Variants in RNF19A observed in about 807,000 individuals in gnomAD.
The protein encoded by RNF19A is E3 ubiquitin-protein ligase RNF19A.
In RNF19A, 32 loss-of-function variants were observed where a neutral mutation model predicts 75.7. The observed-to-expected ratio is 0.42, with a 90% CI of 0.32 to 0.57. The LOEUF (loss-of-function observed/expected upper bound fraction) is 0.57, where lower values mean the gene tolerates loss of function less well. Ranked by LOEUF, RNF19A falls within the 20% of genes least tolerant of loss-of-function variation. The pLI is 0.10. For missense variants in RNF19A, 782 were observed against 1,036.3 expected (o/e 0.75, Z 3.37); for synonymous variants, 335 against 345.2 (o/e 0.97, Z 0.33).
chr8:100,260,787 T>C lies in RNF19A; in HGVS notation c.1682+755A>G, dbSNP rs1227671442. Among the ~76,000 whole-genome samples, 1 of 152,178 alleles carries C rather than the reference T, an allele frequency of 6.6e-6. No individual in the cohort carries two copies. The highest frequency in any genetic ancestry group is 2.4e-5 in the African/African-American group (1 of 41,442). The stretch of plus-strand genomic sequence containing the variant: ...TTTTTCCTACTTATCTATATGGCTA[T>C]TGATAAAAGACTTGGTGAGAACAAA... On this transcript the variant is annotated intron_variant, in intron 8 of 9. Transcript: ENST00000341084. This position sits in a 1 kb window ranked among gnomAD's most constrained non-coding sequence, Gnocchi z 4.1.
In RNF19A at chr8:100,261,335, C is replaced by A. The variant is rs1819704183; in HGVS notation, c.1682+207G>T. On this transcript the variant is annotated intron_variant, in intron 8 of 9. Transcript: ENST00000341084. This position sits in a 1 kb window ranked among gnomAD's most constrained non-coding sequence, Gnocchi z 4.4. ...CTGGTCTCGAACTCCTGAGCTCAGG[C>A]AATCCACCTGCTTTGGCTTCCCAAC... Among the ~76,000 whole-genome samples, 2 of 152,082 alleles carry A rather than the reference C, an allele frequency of 1.3e-5. No individual in the cohort carries two copies. Among genetic ancestry groups the A allele is most frequent in the Non-Finnish European group, 2.9e-5 (2 of 68,006 alleles).
At chr8:100,283,705 G>A (rs1269712501) in intron 2 of RNF19A, among the ~76,000 whole-genome samples, 1 of 152,186 alleles carries the variant, frequency 6.6e-6, no homozygotes, top group Non-Finnish European at 1.5e-5. Context: ...TAAAATTAAT[G>A]TCAGATACAG....
intron 1 of RNF19A, among the ~76,000 whole-genome samples, chr8:100,293,524 A>G (rs1289681897): frequency 6.6e-6 from 1 of 152,064 alleles, no homozygotes; most frequent in Non-Finnish European, 1.5e-5. Flanking sequence ...GCTTGCATTC[A>G]ACATTGTTTT....
At chr8:100,273,618 G>A (rs1820361963) in intron 3 of RNF19A, among the ~76,000 whole-genome samples, 1 of 152,066 alleles carries the variant, frequency 6.6e-6, no homozygotes. Flanking sequence ...AGCCATTTCT[G>A]TCGTTTTTTA....
intron 1 of RNF19A, among the ~76,000 whole-genome samples, chr8:100,305,409 CAT>C (rs1822025100): frequency 6.6e-6 from 1 of 152,140 alleles, no homozygotes; most frequent in Non-Finnish European, 1.5e-5. Context: ...CAGAAAGAAA[CAT>C]GTCATACAAA....
chr8:100,295,590 G>C (rs1287216052), intron 1 of RNF19A, among the ~76,000 whole-genome samples: 3 of 152,136 alleles, frequency 2.0e-5, no homozygotes, highest in African/African-American at 7.2e-5. Context: ...ATCTGTCTTT[G>C]TGCAGCATTT....
intron 2 of RNF19A, among the ~76,000 whole-genome samples, chr8:100,279,264 T>C (rs898924639): frequency 1.3e-5 from 2 of 152,224 alleles, no homozygotes; most frequent in African/African-American, 4.8e-5. Context: ...TATACATATA[T>C]ACACACGGTA....
intron 5 of RNF19A, among the ~76,000 whole-genome samples, chr8:100,266,046 G>A (rs1819959643): frequency 6.6e-6 from 1 of 152,232 alleles, no homozygotes; most frequent in Admixed American, 6.5e-5. Flanking sequence ...AGAGAAAGGA[G>A]TCTTCTAGAA....
chr8:100,326,481 T>C (rs1288498381), intron 1 of RNF19A, among the ~76,000 whole-genome samples: 2 of 152,184 alleles, frequency 1.3e-5, no homozygotes, highest in Admixed American at 6.5e-5. Context: ...GAGGGTATTA[T>C]ACTAGAGACA....
chr8:100,335,796 G>GCT (rs995792650), intron 1 of RNF19A, among the ~76,000 whole-genome samples: 4 of 152,196 alleles, frequency 2.6e-5, no homozygotes, highest in Non-Finnish European at 5.9e-5. Flanking sequence ...TAAGGTAACT[G>GCT]CTCTGCCCAC....
intron 1 of RNF19A, among the ~76,000 whole-genome samples, chr8:100,315,435 G>A (rs767021685): frequency 2.6e-5 from 4 of 152,100 alleles, no homozygotes; most frequent in Admixed American, 6.5e-5. Flanking sequence ...GAGCTTGGGG[G>A]CTTTAGTCTC....
chr8:100,316,348 A>AC (rs958531593), intron 1 of RNF19A, among the ~76,000 whole-genome samples: 2 of 151,910 alleles, frequency 1.3e-5, no homozygotes, highest in African/African-American at 4.8e-5. Context: ...GTGGAAGGGG[A>AC]CCCCAGTGGG....
chr8:100,305,577 T>C (rs1586683255), intron 1 of RNF19A, among the ~76,000 whole-genome samples: 2 of 152,366 alleles, frequency 1.3e-5, no homozygotes, highest in South Asian at 4.1e-4. Flanking sequence ...TAAATTATAT[T>C]TGTGGCTCAC....
intron 1 of RNF19A, among the ~76,000 whole-genome samples, chr8:100,298,542 C>G (rs1361548192): frequency 2.0e-5 from 3 of 152,118 alleles, no homozygotes; most frequent in Non-Finnish European, 4.4e-5. Context: ...TGGGTTCTAG[C>G]CTTAAGATAG....
In RNF19A at chr8:100,287,816, G is replaced by C; in HGVS notation, c.359C>G (p.Thr120Ser). ...GTCTCCAATTTGTTTGCTGATGGAA[G>C]TTAATCCATTGTCAGAAGAGGTATT... ...STNTSSDNGL[T>S]SISKQIGDFI... The change falls in exon 2 of 10, where the codon ACT becomes AGT. Residue 120 changes from threonine (T) to serine (S), a missense_variant. Physicochemically the swap from Thr to Ser is moderately conservative, Grantham distance 58. Coordinates refer to ENST00000341084, the MANE Select transcript of RNF19A (RefSeq NM_183419.4). This position sits in a 1 kb window ranked among gnomAD's most constrained non-coding sequence, Gnocchi z 4.1. 6.2e-7 allele frequency: 1 copy of C among 1,614,160 alleles called. No individual in the cohort carries two copies. The highest frequency in any genetic ancestry group is 8.5e-7 in the Non-Finnish European group (1 of 1,179,980).
Position 100,259,118 on chromosome 8 carries a change from C to A in RNF19A, c.1955G>T (p.Gly652Val), listed in dbSNP as rs1819593293. Residue 652 changes from glycine (G) to valine (V), a missense_variant, in exon 10 of 10, where the codon GGC becomes GTC. By Grantham distance (109) the Gly-to-Val change is moderately radical (BLOSUM62 -3). Around this residue, in one of 7 missense-constraint regions of RNF19A, gnomAD observed 442 missense variants for 541.6 expected, o/e 0.82. Transcript: ENST00000341084. This position sits in a 1 kb window ranked among gnomAD's most constrained non-coding sequence, Gnocchi z 4.5. ...TRSHAGGSSS[G>V]LPEGKSSATK... ...GGCACTAGATTTACCTTCAGGCAAG[C>A]CACTGGATGAACCGCCAGCATGACT... 6.2e-7 allele frequency: 1 copy of A among 1,614,074 alleles called. No homozygotes were observed. Among genetic ancestry groups the A allele is most frequent in the Non-Finnish European group, 8.5e-7 (1 of 1,180,042 alleles).
intron 1 of RNF19A, chr8:100,309,532 C>T: frequency 1.0e-6 from 1 of 985,354 alleles, no homozygotes; most frequent in African/African-American, 1.7e-5. Context: ...GTCATAATAT[C>T]GCCGGGCCGG....
In RNF19A at chr8:100,264,099, T is replaced by C; in HGVS notation, c.1403A>G (p.Lys468Arg). ...GGCGVSAGNG[K>R]GVRIEFDDEN... Reference sequence around the variant, plus strand: ...ATCATCAAATTCAATCCTAACTCCTTTTCCATTGCCTGCTGAGACTCCACA... The same window carrying C: ...ATCATCAAATTCAATCCTAACTCCTCTTCCATTGCCTGCTGAGACTCCACA... The change falls in exon 7 of 10, where the codon AAA (lysine) becomes AGA (arginine). Residue 468 changes from lysine (K) to arginine (R), a missense_variant. Lys to Arg is a conservative substitution (Grantham distance 26, BLOSUM62 2). Coordinates refer to ENST00000341084, the MANE Select transcript of RNF19A (RefSeq NM_183419.4). The surrounding 1 kb of genome is among the most constrained non-coding windows in gnomAD (Gnocchi z 4.7). The C allele has an allele frequency of 7.4e-6, 12 of 1,613,910 alleles. No individual in the cohort carries two copies. Among genetic ancestry groups the C allele is most frequent in the Non-Finnish European group, 1.0e-5 (12 of 1,179,834 alleles).
intron 5 of RNF19A, among the ~76,000 whole-genome samples, chr8:100,265,815 C>T (rs1476430645): frequency 6.6e-6 from 1 of 152,054 alleles, no homozygotes; most frequent in African/African-American, 2.4e-5. Flanking sequence ...AGTCAGAATC[C>T]CATTTCCCAG....
Sources: gnomAD v4.1 joint callset for allele counts (sites outside exome capture counted in the v4.1 genomes callset) on GRCh38, gnomAD v4.1.1 for gene constraint, gnomAD v4.1.1 regional missense constraint, Gnocchi (gnomAD v3.1) non-coding constraint, MANE v1.5 for transcripts, NCBI Gene and HGNC (gene_info 2026-07-23, HGNC 2026-07-21) for gene names.